The following SLC38A6 variants were observed in gnomAD, a reference collection of about 807,000 sequenced individuals.
SLC38A6 encodes the protein N system amino acid transporter NAT-1.
Under a neutral mutation model 65.0 loss-of-function variants are expected in SLC38A6, and 73 were observed. That is an observed-to-expected ratio of 1.12 (90% CI 0.93 to 1.37). The LOEUF (loss-of-function observed/expected upper bound fraction) is 1.37, where lower values mean the gene tolerates loss of function less well. Among genes scored for constraint, SLC38A6 ranks in the 40% most tolerant of loss-of-function variants. The pLI is 0.00. For synonymous variants in SLC38A6, 183 were observed against 178.8 expected, an observed-to-expected ratio of 1.02 and a Z score of -0.19; for missense variants, 561 against 531.1, an observed-to-expected ratio of 1.06 and a Z score of -0.55.
intron 5 of SLC38A6, among the ~76,000 whole-genome samples, chr14:61,027,085 C>T (rs1014954962): frequency 1.3e-5 from 2 of 152,148 alleles, no homozygotes; most frequent in Non-Finnish European, 2.9e-5. Flanking sequence ...TTTAATATTA[C>T]TGTTGCTTCT....
In SLC38A6 at chr14:61,019,650, A is replaced by G. The variant is rs548716550; in HGVS notation, c.403+70A>G. 2.9e-5 allele frequency: 44 copies of G among 1,495,080 alleles called. No individual in the cohort carries two copies. In the East Asian group the frequency reaches 9.7e-4, roughly 33 times the overall value. 92.6% of individuals were successfully genotyped at this position (1,495,080 alleles called of 1,614,324 possible). ...ATAATGTCCTTTGAATTGTTATCTT[A>G]CTACAGATCTAGCTGGGAACTTCTG... On this transcript the variant is annotated intron_variant, in intron 5 of 15. Transcript: ENST00000267488.
rs574994614 is a variant in SLC38A6, at chr14:61,071,003, T to C, written c.1291-7807T>C. Among the ~76,000 whole-genome samples the C allele has an allele frequency of 3.3e-5, 5 of 152,308 alleles. No individual in the cohort carries two copies. The South Asian group carries it at 1.0e-3, about 32-fold the overall frequency. On this transcript the variant is annotated intron_variant, in intron 15 of 16. Coordinates refer to the SLC38A6 transcript ENST00000354886. ...CTCTCTCCTTAAGATTTTTATTCTG[T>C]TGATTATTTCTTTTGCTGTGCAGAA...
At chr14:61,031,759 A>G (rs1323804093) in intron 6 of SLC38A6, among the ~76,000 whole-genome samples, 2 of 149,884 alleles carry the variant, frequency 1.3e-5, no homozygotes, top group African/African-American at 2.5e-5. Flanking sequence ...GGCACCTTCT[A>G]TTACTCAAAT....
At chr14:61,066,598 C>T (rs1212682174) in intron 15 of SLC38A6, among the ~76,000 whole-genome samples, 2 of 152,096 alleles carry the variant, frequency 1.3e-5, no homozygotes, top group East Asian at 3.9e-4. Context: ...AGAAATGTTT[C>T]TCACTTGTTT....
chr14:61,010,103 G>A (rs1216464357), intron 3 of SLC38A6, among the ~76,000 whole-genome samples: 1 of 152,138 alleles, frequency 6.6e-6, no homozygotes, highest in South Asian at 2.1e-4. Context: ...ATCTCACTGT[G>A]GTTTTGATTT....
chr14:60,987,928 G>T (rs553186779), intron 3 of SLC38A6, among the ~76,000 whole-genome samples: 4 of 152,286 alleles, frequency 2.6e-5, no homozygotes, highest in South Asian at 2.1e-4. Context: ...CTCAATTTGT[G>T]TTAGTCATTT....
intron 3 of SLC38A6, among the ~76,000 whole-genome samples, chr14:61,010,418 A>G (rs1275308611): frequency 6.6e-6 from 1 of 152,162 alleles, no homozygotes; most frequent in Non-Finnish European, 1.5e-5. Context: ...TTTTGCTGCC[A>G]TTGCTTTTGG....
intron 5 of SLC38A6, among the ~76,000 whole-genome samples, chr14:61,028,493 CTCCAAA>C (rs894432118): frequency 6.6e-6 from 1 of 152,246 alleles, no homozygotes; most frequent in Admixed American, 6.5e-5. Flanking sequence ...ATTATAAAAA[CTCCAAA>C]TCCTTGAATG....
intron 3 of SLC38A6, among the ~76,000 whole-genome samples, chr14:61,013,423 C>T (rs572784438): frequency 4.8e-4 from 73 of 152,252 alleles, no homozygotes; most frequent in African/African-American, 1.6e-3. Context: ...TTGATCCTGT[C>T]GTTATGATGT....
intron 3 of SLC38A6, among the ~76,000 whole-genome samples, chr14:61,006,494 C>G (rs2039130991): frequency 1.3e-5 from 2 of 152,166 alleles, no homozygotes; most frequent in South Asian, 2.1e-4. Flanking sequence ...AAAAAACAAC[C>G]CCATCAAAAA....
Position 61,049,545 on chromosome 14 carries a change from A to G in SLC38A6, c.926-967A>G, listed in dbSNP as rs115753037. 6.9e-3 allele frequency among the ~76,000 whole-genome samples: 1,056 copies of G among 152,244 alleles called. 8 individuals carry two copies. The highest frequency in any genetic ancestry group is 0.021 in the African/African-American group (874 of 41,528). On this transcript the variant is annotated intron_variant, in intron 12 of 15. Coordinates refer to ENST00000267488, the MANE Select transcript of SLC38A6 (RefSeq NM_153811.3). ...TACTGGTGGGGTTTGAACATGTTCT[A>G]TGTCATCACAGTTTAGAATCTCCAT...
chr14:61,057,936 A>G (rs1430959645), intron 15 of SLC38A6, among the ~76,000 whole-genome samples: 1 of 135,946 alleles, frequency 7.4e-6, no homozygotes, highest in Non-Finnish European at 1.6e-5. Flanking sequence ...CTCTCATGGT[A>G]GTTTGTATTT....
intron 12 of SLC38A6, among the ~76,000 whole-genome samples, chr14:61,047,742 A>C (rs972574971): frequency 1.3e-5 from 2 of 152,118 alleles, no homozygotes; most frequent in Non-Finnish European, 2.9e-5. Flanking sequence ...TGTAGATGGC[A>C]TGTTTCCTAG....
At chr14:61,067,228 A>G (rs2043049989) in intron 15 of SLC38A6, among the ~76,000 whole-genome samples, 1 of 152,176 alleles carries the variant, frequency 6.6e-6, no homozygotes, top group Non-Finnish European at 1.5e-5. Flanking sequence ...TGAAGACTCA[A>G]TATTTGACTG....
At chr14:60,990,763 C>T (rs1403225995) in intron 3 of SLC38A6, among the ~76,000 whole-genome samples, 6 of 152,122 alleles carry the variant, frequency 3.9e-5, no homozygotes, top group African/African-American at 1.4e-4. Context: ...CACAGGCACA[C>T]ATCACCATGC....
At position 61,003,346 on chromosome 14, in the gene SLC38A6, T is replaced by G. The variant is rs140216869; in HGVS notation, c.311-12558T>G. ...TTAAATATAGTTTTAAATGGCTACA[T>G]ATTATTCTATCAAAAATACCTACCA... On this transcript the variant is annotated intron_variant, in intron 3 of 15. Coordinates refer to ENST00000267488, the MANE Select transcript of SLC38A6 (RefSeq NM_153811.3). 1.6e-3 allele frequency among the ~76,000 whole-genome samples: 237 copies of G among 152,262 alleles called. 3 individuals carry two copies. The highest frequency in any genetic ancestry group is 0.012 in the Admixed American group (184 of 15,292).
chr14:61,051,671 G>T, intron 13 of SLC38A6, 116 bp from the exon 14 acceptor site: 1 of 1,087,128 alleles, frequency 9.2e-7, no homozygotes, highest in South Asian at 1.4e-5. Context: ...CTGTATTTTT[G>T]AAATCTAAAT....
intron 3 of SLC38A6, among the ~76,000 whole-genome samples, chr14:60,997,093 C>T (rs2038350638): frequency 6.6e-6 from 1 of 152,132 alleles, no homozygotes. Context: ...GATCTAAGCA[C>T]CATCTACAGA....
At chr14:61,001,005 C>T (rs1030416471) in intron 3 of SLC38A6, among the ~76,000 whole-genome samples, 2 of 152,130 alleles carry the variant, frequency 1.3e-5, no homozygotes, top group African/African-American at 4.8e-5. Flanking sequence ...GTTCAGTAAA[C>T]CCACAGTTAA....
Sources: allele counts gnomAD v4.1 joint callset (sites outside exome capture counted in the v4.1 genomes callset), GRCh38; gene constraint gnomAD v4.1.1; transcripts MANE v1.5; gene names NCBI Gene and HGNC (gene_info 2026-07-23, HGNC 2026-07-21).